DGKZ: variants seen among roughly 807,000 people sequenced by gnomAD.
The protein encoded by DGKZ is diacylglycerol kinase zeta, also known as DAG kinase zeta.
DGKZ carries 45 observed loss-of-function variants against 142.5 expected under a neutral mutation model. The observed-to-expected ratio is 0.32, with a 90% CI of 0.25 to 0.40. The LOEUF is 0.40. Ranked by LOEUF, DGKZ falls within the 10% of genes least tolerant of loss-of-function variation. The pLI is 1.00. For synonymous variants in DGKZ, 442 were observed against 527.0 expected (o/e 0.84, Z 2.21); for missense variants, 755 against 1,306.5 (o/e 0.58, Z 6.51).
intron 4 of DGKZ, chr11:46,369,065 A>C (rs1363309974): frequency 4.2e-6 from 1 of 239,442 alleles, no homozygotes; most frequent in East Asian, 1.3e-4. Context: ...AAAATTAGCC[A>C]GGCGTGGTGA....
rs974866748 is a variant in DGKZ, at chr11:46,367,587, C to T, written c.271-65C>T. 3.9e-5 allele frequency: 41 copies of T among 1,054,010 alleles called. No individual in the cohort carries two copies. The highest frequency in any genetic ancestry group is 3.5e-4 in the East Asian group (10 of 28,940). The allele number at this position is 1,054,010 out of a possible 1,614,324, so 65.3% of individuals were successfully genotyped here. On this transcript the variant is annotated intron_variant, in intron 2 of 30. Transcript: ENST00000527911. This position sits in a 1 kb window ranked among gnomAD's most constrained non-coding sequence, Gnocchi z 4.1. ...TTTGTCTTGGGAGAGGGCGGGTGGGCGGGGGCTGATGGGAGGGAGGGCTGG... is the reference window on the plus strand; with the variant it reads ...TTTGTCTTGGGAGAGGGCGGGTGGGTGGGGGCTGATGGGAGGGAGGGCTGG...
chr11:46,345,903 G>A (rs1940566333), upstream of DGKZ, among the ~76,000 whole-genome samples: 1 of 152,206 alleles, frequency 6.6e-6, no homozygotes, highest in African/African-American at 2.4e-5. This position sits in a 1 kb window ranked among gnomAD's most constrained non-coding sequence, Gnocchi z 4.1. Context: ...TGGAGACTCC[G>A]TGGGGTCTTC....
At chr11:46,366,645 C>T (rs538200288) in intron 1 of DGKZ, 1 of 1,599,414 alleles carries the variant, frequency 6.3e-7, no homozygotes, top group Non-Finnish European at 8.5e-7. Flanking sequence ...GTAGCCGAGG[C>T]ATCGAGCGCC....
intron 19 of DGKZ, among the ~76,000 whole-genome samples, 169 bp downstream of exon 19, chr11:46,375,214 G>A (rs1313954949): frequency 2.0e-5 from 3 of 152,104 alleles, no homozygotes; most frequent in South Asian, 2.1e-4. Flanking sequence ...ACTATGCCTC[G>A]GGATACCTTC....
Position 46,371,623 on chromosome 11 carries a change from T to C in DGKZ, c.759+20T>C. ...CCCCAGGTGAGTACTGCCTGCACCC[T>C]TGATGCCCCGTACGCACTTGGGGTC... On this transcript the variant is annotated intron_variant, in intron 8 of 30. Transcript: ENST00000527911. 1.2e-6 allele frequency: 2 copies of C among 1,613,384 alleles called. No homozygotes were observed. The highest frequency in any genetic ancestry group is 1.7e-6 in the Non-Finnish European group (2 of 1,179,758).
At chr11:46,377,523 G>T (rs955387480) in intron 25 of DGKZ, 1 of 418,322 alleles carries the variant, frequency 2.4e-6, no homozygotes, top group Non-Finnish European at 4.2e-6. Context: ...CGGCTGCCAC[G>T]CCCTGGCCCC....
chr11:46,362,050 A>AGGG (rs889807304), intron 1 of DGKZ: 4 of 152,258 alleles, frequency 2.6e-5, no homozygotes, highest in Admixed American at 6.5e-5. Context: ...CCCAGCCCCT[A>AGGG]GGCTGACTGG....
chr11:46,368,065 G>T lies in DGKZ; in HGVS notation c.430G>T (p.Glu144Ter). The T allele has an allele frequency of 1.2e-6, 2 of 1,614,062 alleles. No individual in the cohort carries two copies. Among genetic ancestry groups the T allele is most frequent in the East Asian group, 2.2e-5 (1 of 44,882 alleles). Reference sequence around the variant, plus strand: ...GATTGTGGTGCACACGCCCTGCATCGAGCAGCTGGAGAAGGTGGGTGGGTA... The same window carrying T: ...GATTGTGGTGCACACGCCCTGCATCTAGCAGCTGGAGAAGGTGGGTGGGTA... Residue 144 changes from glutamate to a stop codon, truncating the protein, a stop_gained, in exon 4 of 31, where the codon GAG becomes TAG. Transcript: ENST00000527911. LOFTEE classifies it high-confidence loss of function.
Position 46,373,161 on chromosome 11 carries a change from T to C in DGKZ, c.1326+60T>C. On this transcript the variant is annotated intron_variant, in intron 14 of 30. Coordinates refer to ENST00000527911, the Ensembl canonical transcript of DGKZ. ...GTGACTGGGGACTGGATCCCACTTTTCCACTTGCTGGTTCTGGGACCTCGG... is the reference window on the plus strand; with the variant it reads ...GTGACTGGGGACTGGATCCCACTTTCCCACTTGCTGGTTCTGGGACCTCGG... 1.3e-6 allele frequency: 2 copies of C among 1,487,098 alleles called. 1 individual carries two copies. The highest frequency in any genetic ancestry group is 2.7e-5 in the South Asian group (2 of 75,298). 92.1% of individuals were successfully genotyped at this position (1,487,098 alleles called of 1,614,324 possible). A position where few individuals can be genotyped will look rare whatever the true frequency, so the allele number is the denominator to read the frequency against.
chr11:46,341,916 G>T (rs1046860377), intron 1 of DGKZ, among the ~76,000 whole-genome samples: 1 of 152,146 alleles, frequency 6.6e-6, no homozygotes, highest in African/African-American at 2.4e-5. Context: ...ACAAAGAGGC[G>T]GAAAAGCAAG....
intron 4 of DGKZ, chr11:46,368,338 G>A (rs139538243): frequency 1.7e-5 from 9 of 528,680 alleles, no homozygotes; most frequent in Admixed American, 2.5e-5. Flanking sequence ...ATGAATTGAC[G>A]AATGGTGGCC....
chr11:46,378,167 G>A, intron 25 of DGKZ, 31 bp from the exon 26 acceptor site: 2 of 1,603,928 alleles, frequency 1.2e-6, no homozygotes, highest in South Asian at 1.1e-5. Context: ...CTGTGCCGTA[G>A]CCGGTCACAG....
At chr11:46,352,134 G>C (rs964993556) in intron 1 of DGKZ, among the ~76,000 whole-genome samples, 1 of 152,214 alleles carries the variant, frequency 6.6e-6, no homozygotes, top group Non-Finnish European at 1.5e-5. Flanking sequence ...TGGCCCCCCC[G>C]GGGCAGAGGT....
rs749514297 is a variant in DGKZ at position 46,369,921 on chromosome 11, T to A, written c.502-20T>A. 1 of 1,613,272 alleles carries A rather than the reference T, an allele frequency of 6.2e-7. No individual in the cohort carries two copies. The highest frequency in any genetic ancestry group is 1.1e-5 in the South Asian group (1 of 91,074). ...CCTGCCCACCCCTCACCCAGTGAAATTTTTCCCCTTCTCCCCCAGCCAACC... is the reference window on the plus strand; with the variant it reads ...CCTGCCCACCCCTCACCCAGTGAAAATTTTCCCCTTCTCCCCCAGCCAACC... On this transcript the variant is annotated intron_variant, in intron 5 of 30. Coordinates refer to ENST00000527911, the Ensembl canonical transcript of DGKZ.
chr11:46,372,917 G>A lies in DGKZ; in HGVS notation c.1185+33G>A, dbSNP rs1565067929. On this transcript the variant is annotated intron_variant, in intron 13 of 30. Coordinates refer to ENST00000527911, the Ensembl canonical transcript of DGKZ. This position sits in a 1 kb window ranked among gnomAD's most constrained non-coding sequence, Gnocchi z 5.9. ...CCCATAGGAGGGGGGTGCAGCTGGG[G>A]CCTCTCCAGCCACAGAGGGCTCAGT... 1.9e-6 allele frequency: 3 copies of A among 1,556,470 alleles called. No individual in the cohort carries two copies. The highest frequency in any genetic ancestry group is 2.6e-6 in the Non-Finnish European group (3 of 1,150,096).
intron 1 of DGKZ, among the ~76,000 whole-genome samples, chr11:46,363,987 G>A (rs776551835): frequency 7.9e-5 from 12 of 152,194 alleles, no homozygotes; most frequent in Non-Finnish European, 1.6e-4. Flanking sequence ...CTCTAGAATG[G>A]AGCTGCAGGT....
At chr11:46,350,974 G>A (rs552125797) in intron 1 of DGKZ, among the ~76,000 whole-genome samples, 2 of 152,018 alleles carry the variant, frequency 1.3e-5, no homozygotes, top group African/African-American at 4.8e-5. Context: ...CTGAGGAGGA[G>A]GAGGAGGAGA....
At position 46,374,139 on chromosome 11, in the gene DGKZ, C is replaced by T; in HGVS notation, c.1327-18C>T. On this transcript the variant is annotated intron_variant, in intron 14 of 30. Coordinates refer to ENST00000527911, the Ensembl canonical transcript of DGKZ. Reference sequence around the variant, plus strand: ...TGTGAGGCCCAGCCCTCATTTTGGTCCCTTGACCTTTTTCCAGTTGCCCCT... The same window carrying T: ...TGTGAGGCCCAGCCCTCATTTTGGTTCCTTGACCTTTTTCCAGTTGCCCCT... 1 of 1,614,054 alleles carries T rather than the reference C, an allele frequency of 6.2e-7. No homozygotes were observed. The highest frequency in any genetic ancestry group is 8.5e-7 in the Non-Finnish European group (1 of 1,179,958).
chr11:46,333,135 C>A (rs1310986762), exon 1 of DGKZ: 1 of 659,906 alleles, frequency 1.5e-6, no homozygotes, highest in East Asian at 3.8e-5. Context: ...GTCGTCTAAG[C>A]GTCGGCGTCG....
Sources: allele counts gnomAD v4.1 joint callset (sites outside exome capture counted in the v4.1 genomes callset), GRCh38; gene constraint gnomAD v4.1.1; non-coding constraint Gnocchi (gnomAD v3.1); transcripts MANE v1.5; gene names NCBI Gene and HGNC (gene_info 2026-07-23, HGNC 2026-07-21).